The following GAN variants were observed in gnomAD, a reference collection of about 807,000 sequenced individuals.
The protein encoded by GAN is gigaxonin.
Under a neutral mutation model 71.3 loss-of-function variants are expected in GAN, and 48 were observed. That is an observed-to-expected ratio of 0.67 (90% CI 0.53 to 0.86). The LOEUF (loss-of-function observed/expected upper bound fraction) is 0.86. Among genes scored for constraint, GAN ranks in the 40% least tolerant of loss-of-function variants. GAN has a pLI of 0.00. For missense variants in GAN, 928 were observed against 770.1 expected (o/e 1.21, Z -2.43); for synonymous variants, 386 against 276.8 (o/e 1.39, Z -3.92).
intron 1 of GAN, among the ~76,000 whole-genome samples, chr16:81,337,143 G>A (rs1462650426): frequency 1.3e-5 from 2 of 151,962 alleles, no homozygotes; most frequent in Non-Finnish European, 2.9e-5. Flanking sequence ...GCAGTTGGAG[G>A]GCATCTGTGA....
chr16:81,364,896 C>A, intron 7 of GAN, 78 bp from the exon 8 acceptor site: 1 of 1,385,310 alleles, frequency 7.2e-7, no homozygotes, highest in Non-Finnish European at 1.0e-6. Flanking sequence ...TTAAGTATGG[C>A]CCAGACAGTT....
chr16:81,324,472 CAG>C (rs968956643), intron 1 of GAN, among the ~76,000 whole-genome samples: 11 of 152,078 alleles, frequency 7.2e-5, no homozygotes, highest in East Asian at 3.9e-4. Context: ...GCACCAGGAT[CAG>C]GGGTGGCACC....
Position 81,362,156 on chromosome 16 carries a change from G to T in GAN, c.974-343G>T, listed in dbSNP as rs1335526934. On this transcript the variant is annotated intron_variant, in intron 5 of 10. Coordinates refer to ENST00000648994, the MANE Select transcript of GAN (RefSeq NM_022041.4). ...CTAGAATGAACAGATGTGCGCTGCGGTGCAAAAGTTGTATGAGAATCCCAG... is the reference window on the plus strand; with the variant it reads ...CTAGAATGAACAGATGTGCGCTGCGTTGCAAAAGTTGTATGAGAATCCCAG... Among the ~76,000 whole-genome samples, 5 of 152,184 alleles carry T rather than the reference G, an allele frequency of 3.3e-5. No individual in the cohort carries two copies. The East Asian group carries it at 7.7e-4, about 23-fold the overall frequency.
intron 9 of GAN, among the ~76,000 whole-genome samples, chr16:81,374,384 C>G (rs1444562698): frequency 1.3e-5 from 2 of 152,150 alleles, no homozygotes; most frequent in Admixed American, 1.3e-4. Flanking sequence ...CGATTTTCTC[C>G]TGAAACTGTC....
At chr16:81,353,598 C>G (rs1276044516) in intron 2 of GAN, among the ~76,000 whole-genome samples, 1 of 152,154 alleles carries the variant, frequency 6.6e-6, no homozygotes, top group Non-Finnish European at 1.5e-5. Context: ...TTGCTATACT[C>G]CTCATGAAGT....
intron 1 of GAN, among the ~76,000 whole-genome samples, chr16:81,316,409 G>T (rs1004989256): frequency 6.8e-6 from 1 of 146,564 alleles, no homozygotes; most frequent in East Asian, 2.0e-4. Context: ...AGAAATTCAA[G>T]TGCCCTTGTA....
At chr16:81,354,837 C>T (rs766378906) in intron 3 of GAN, 82 bp downstream of exon 3, 6 of 811,376 alleles carry the variant, frequency 7.4e-6, no homozygotes, top group Non-Finnish European at 1.2e-5. Flanking sequence ...TTTTCTTCTT[C>T]ATCATGAAAG....
chr16:81,338,703 G>T (rs778247591), intron 1 of GAN, among the ~76,000 whole-genome samples: 1 of 152,214 alleles, frequency 6.6e-6, no homozygotes, highest in Admixed American at 6.5e-5. Flanking sequence ...AGTTTGTGTA[G>T]TTACTAAATT....
At chr16:81,315,716 C>A (rs918593378) in intron 1 of GAN, among the ~76,000 whole-genome samples, 1 of 152,240 alleles carries the variant, frequency 6.6e-6, no homozygotes, top group Admixed American at 6.5e-5. Context: ...GCGGTCCCCG[C>A]TGAAGTTCGC....
chr16:81,332,219 C>T (rs1909605015), intron 1 of GAN, among the ~76,000 whole-genome samples: 1 of 151,738 alleles, frequency 6.6e-6, no homozygotes, highest in Non-Finnish European at 1.5e-5. Context: ...GAGAAGCTTT[C>T]AGGAACTGGC....
chr16:81,334,582 T>G (rs1434284942), intron 1 of GAN, among the ~76,000 whole-genome samples: 2 of 152,166 alleles, frequency 1.3e-5, no homozygotes, highest in African/African-American at 4.8e-5. Flanking sequence ...CGGTTCCCAT[T>G]CGGATTATTG....
chr16:81,358,688 G>A (rs1270620457), intron 5 of GAN, among the ~76,000 whole-genome samples: 3 of 152,138 alleles, frequency 2.0e-5, no homozygotes, highest in Non-Finnish European at 4.4e-5. Context: ...AAGTTATTTA[G>A]TATGGAAAAT....
At chr16:81,346,331 G>C (rs1910117009) in intron 1 of GAN, among the ~76,000 whole-genome samples, 2 of 152,240 alleles carry the variant, frequency 1.3e-5, no homozygotes, top group East Asian at 3.9e-4. Flanking sequence ...ATGGCTCACT[G>C]CATGGCAGAA....
chr16:81,342,037 G>A (rs1490797710), intron 1 of GAN, among the ~76,000 whole-genome samples: 1 of 152,162 alleles, frequency 6.6e-6, no homozygotes, highest in Non-Finnish European at 1.5e-5. Context: ...AGACAAAGAA[G>A]GCCATTACAT....
At chr16:81,345,702 A>G (rs1003550042) in intron 1 of GAN, among the ~76,000 whole-genome samples, 1 of 152,214 alleles carries the variant, frequency 6.6e-6, no homozygotes, top group Non-Finnish European at 1.5e-5. Flanking sequence ...TGTGTAACAA[A>G]ATTGTACGTT....
At chr16:81,375,870 T>TG (rs1451452327) in intron 9 of GAN, among the ~76,000 whole-genome samples, 1 of 147,254 alleles carries the variant, frequency 6.8e-6, no homozygotes. Flanking sequence ...TTTGGGAGGG[T>TG]GGGGTGAGAG....
At chr16:81,355,290 T>C (rs1910449370) in intron 3 of GAN, among the ~76,000 whole-genome samples, 1 of 152,092 alleles carries the variant, frequency 6.6e-6, no homozygotes, top group Non-Finnish European at 1.5e-5. Flanking sequence ...GGAGTGAAGG[T>C]CTTAAAGAAT....
chr16:81,342,140 T>G (rs977825659), intron 1 of GAN, among the ~76,000 whole-genome samples: 5 of 152,204 alleles, frequency 3.3e-5, no homozygotes, highest in African/African-American at 9.7e-5. Context: ...AAGCAAGTTC[T>G]TAGAGACCTA....
At chr16:81,345,923 A>T (rs1042802533) in intron 1 of GAN, among the ~76,000 whole-genome samples, 2 of 152,214 alleles carry the variant, frequency 1.3e-5, no homozygotes, top group East Asian at 3.8e-4. Context: ...GGAATGTGCA[A>T]TCTGGATCCT....
Sources: allele counts gnomAD v4.1 joint callset (sites outside exome capture counted in the v4.1 genomes callset), GRCh38; gene constraint gnomAD v4.1.1; transcripts MANE v1.5; gene names NCBI Gene and HGNC (gene_info 2026-07-23, HGNC 2026-07-21).